The following DOT1L variants were observed in gnomAD, a reference collection of about 807,000 sequenced individuals.
DOT1L encodes histone-lysine N-methyltransferase, H3 lysine-79 specific.
Under a neutral mutation model 153.3 loss-of-function variants are expected in DOT1L, and 33 were observed. The observed-to-expected ratio is 0.22, with a 90% CI of 0.16 to 0.29. The LOEUF (loss-of-function observed/expected upper bound fraction) is 0.29. Ranked by LOEUF, DOT1L falls within the 10% of genes least tolerant of loss-of-function variation. The pLI, the probability that DOT1L is intolerant of heterozygous loss-of-function variation, is 1.00. For synonymous variants in DOT1L, 1,135 were observed against 965.1 expected (o/e 1.18, Z -3.26); for missense variants, 1,847 against 2,119.9 (o/e 0.87, Z 2.53).
intron 19 of DOT1L, 191 bp downstream of exon 19, chr19:2,214,787 C>T (rs2023838792): frequency 2.6e-6 from 2 of 758,492 alleles, no homozygotes; most frequent in African/African-American, 3.6e-5. Context: ...CTCTGCCTCA[C>T]TCTAGCCCTC....
In DOT1L at chr19:2,196,823, A is replaced by G. The variant is rs561465410; in HGVS notation, c.651+2246A>G. On this transcript the variant is annotated intron_variant, in intron 7 of 27. Transcript: ENST00000398665. ...CTGCCCTGGTCTTGGCGGTCAGCTG[A>G]GCCCCTGGCCGCGGAGCACGGTGTT... Among the ~76,000 whole-genome samples the G allele has an allele frequency of 4.6e-5, 7 of 152,176 alleles. No individual in the cohort carries two copies. In the East Asian group the frequency reaches 9.7e-4, roughly 21 times the overall value.
intron 9 of DOT1L, among the ~76,000 whole-genome samples, chr19:2,203,503 G>A (rs974630426): frequency 2.0e-5 from 3 of 152,228 alleles, no homozygotes; most frequent in East Asian, 1.9e-4. Flanking sequence ...GGAACTTGGT[G>A]TCCATACTGA....
chr19:2,222,818 G>T lies in DOT1L; in HGVS notation c.3390+259G>T. On this transcript the variant is annotated intron_variant, in intron 24 of 27. Transcript: ENST00000398665. The surrounding 1 kb of genome is among the most constrained non-coding windows in gnomAD (Gnocchi z 6.5). ...AGAATGATGTGAACCCGGGAGGCGG[G>T]GCTTGCAGTGAACTGAGATCGGCCA... The T allele has an allele frequency of 2.1e-6, 1 of 483,386 alleles. No homozygotes were observed. The allele number at this position is 483,386 out of a possible 1,614,324, so 29.9% of individuals were successfully genotyped here.
chr19:2,192,125 C>A (rs920807786), intron 5 of DOT1L, among the ~76,000 whole-genome samples: 1 of 152,156 alleles, frequency 6.6e-6, no homozygotes, highest in African/African-American at 2.4e-5. Flanking sequence ...TGCAGGCACG[C>A]GAGCCCCACG....
rs1187846251 is a variant in DOT1L, at chr19:2,227,962, C to T, written c.4606+835C>T. Reference sequence around the variant, plus strand: ...CCCCCGCCTGCGCACCTGGGCCGGTCCCCCGCGGGGCCGCCCGTCCTCCAC... The same window carrying T: ...CCCCCGCCTGCGCACCTGGGCCGGTTCCCCGCGGGGCCGCCCGTCCTCCAC... On this transcript the variant is annotated intron_variant, in intron 27 of 27. Coordinates refer to ENST00000398665, the MANE Select transcript of DOT1L (RefSeq NM_032482.3). 4.1e-6 allele frequency: 5 copies of T among 1,226,092 alleles called. No homozygotes were observed. In the Admixed American group the frequency reaches 1.3e-4, roughly 31 times the overall value. The allele number at this position is 1,226,092 out of a possible 1,614,324, so 76.0% of individuals were successfully genotyped here.
At chr19:2,168,562 A>G (rs2020013222) in intron 1 of DOT1L, among the ~76,000 whole-genome samples, 1 of 152,124 alleles carries the variant, frequency 6.6e-6, no homozygotes, top group South Asian at 2.1e-4. Flanking sequence ...GGAGATTTTT[A>G]TTCTTACATG....
rs530185237 is a variant in DOT1L at position 2,215,924 on chromosome 19, C to T, written c.1924-357C>T. The T allele has an allele frequency of 7.6e-4, 164 of 216,008 alleles. 1 individual carries two copies. Among genetic ancestry groups the T allele is most frequent in the African/African-American group, 3.3e-3 (145 of 43,852 alleles). 13.4% of individuals were successfully genotyped at this position (216,008 alleles called of 1,614,324 possible). The stretch of plus-strand genomic sequence containing the variant: ...AAAAGCCCCTCTCAGACTCAGCGCC[C>T]GGGGAAGCTGCCACGCTCGAGTGGC... On this transcript the variant is annotated intron_variant, in intron 19 of 27. Coordinates refer to ENST00000398665, the MANE Select transcript of DOT1L (RefSeq NM_032482.3).
At position 2,191,977 on chromosome 19, in the gene DOT1L, A is replaced by G. The variant is rs1036996072; in HGVS notation, c.493+737A>G. ...ACGAACAGCCTCAGTAGCCTGACGA[A>G]TTCTTGATAGGACCACCCCATCCAG... On this transcript the variant is annotated intron_variant, in intron 5 of 27. Coordinates refer to ENST00000398665, the MANE Select transcript of DOT1L (RefSeq NM_032482.3). The surrounding 1 kb of genome is among the most constrained non-coding windows in gnomAD (Gnocchi z 6.8). Among the ~76,000 whole-genome samples the G allele has an allele frequency of 2.0e-5, 3 of 152,172 alleles. No individual in the cohort carries two copies. The East Asian group carries it at 5.8e-4, about 29-fold the overall frequency.
In DOT1L at chr19:2,191,319, A is replaced by G. The variant is rs2022783995; in HGVS notation, c.493+79A>G. On this transcript the variant is annotated intron_variant, in intron 5 of 27. Transcript: ENST00000398665. This position sits in a 1 kb window ranked among gnomAD's most constrained non-coding sequence, Gnocchi z 6.8. ...GTGCCTGCCCCATGCCTGCTTGGAG[A>G]AGAGTTTATCAGGGACTTGCGACGT... 5.5e-6 allele frequency: 8 copies of G among 1,458,258 alleles called. No individual in the cohort carries two copies. The highest frequency in any genetic ancestry group is 6.7e-6 in the Non-Finnish European group (7 of 1,047,478). 90.3% of individuals were successfully genotyped at this position (1,458,258 alleles called of 1,614,324 possible). A position where few individuals can be genotyped will look rare whatever the true frequency, so the allele number is the denominator to read the frequency against.
At chr19:2,177,816 C>T (rs1449172042) in intron 1 of DOT1L, among the ~76,000 whole-genome samples, 1 of 151,942 alleles carries the variant, frequency 6.6e-6, no homozygotes, top group Non-Finnish European at 1.5e-5. Flanking sequence ...GATTGGAGTG[C>T]AGTGGTGCGA....
At chr19:2,181,950 C>T (rs906664057) in intron 2 of DOT1L, among the ~76,000 whole-genome samples, 2 of 152,124 alleles carry the variant, frequency 1.3e-5, no homozygotes, top group Non-Finnish European at 2.9e-5. Context: ...AAGCTGTGCA[C>T]GGTGGCTCAC....
At chr19:2,187,750 G>C (rs577071170) in intron 3 of DOT1L, among the ~76,000 whole-genome samples, 77 of 152,162 alleles carry the variant, frequency 5.1e-4, no homozygotes, top group South Asian at 6.2e-4. Flanking sequence ...GTGAAACCCC[G>C]TCTCTACTAA....
In DOT1L at chr19:2,190,809, G is replaced by A. The variant is rs1322691608; in HGVS notation, c.265-203G>A. Among the ~76,000 whole-genome samples, 2 of 151,996 alleles carry A rather than the reference G, an allele frequency of 1.3e-5. No individual in the cohort carries two copies. The highest frequency in any genetic ancestry group is 4.8e-5 in the African/African-American group (2 of 41,354). ...CTAGGACCCCTCTGAGTTGGGGCCT[G>A]TCCCTGGGGATGCTGCTTTACTGCT... On this transcript the variant is annotated intron_variant, in intron 4 of 27. Coordinates refer to ENST00000398665, the MANE Select transcript of DOT1L (RefSeq NM_032482.3). The surrounding 1 kb of genome is among the most constrained non-coding windows in gnomAD (Gnocchi z 4.8).
At chr19:2,224,093 C>T (rs1033237600) in intron 25 of DOT1L, among the ~76,000 whole-genome samples, 3 of 152,204 alleles carry the variant, frequency 2.0e-5, no homozygotes, top group Non-Finnish European at 4.4e-5. Flanking sequence ...TTGTGTCTGG[C>T]ATCTCTCACT....
intron 9 of DOT1L, among the ~76,000 whole-genome samples, chr19:2,205,032 G>A (rs1045732228): frequency 1.3e-5 from 2 of 151,816 alleles, no homozygotes; most frequent in Non-Finnish European, 2.9e-5. Flanking sequence ...GTGCAGTGGC[G>A]CAGTTTCTGG....
rs913607922 is a variant in DOT1L at position 2,216,203 on chromosome 19, G to T, written c.1924-78G>T. 4.0e-6 allele frequency: 6 copies of T among 1,496,766 alleles called. No homozygotes were observed. The African/African-American group carries it at 7.0e-5, about 17-fold the overall frequency. The allele number at this position is 1,496,766 out of a possible 1,614,324, so 92.7% of individuals were successfully genotyped here. A position where few individuals can be genotyped will look rare whatever the true frequency, so the allele number is the denominator to read the frequency against. ...GCGGGGGTCCTGGCCACCCCTCCGG[G>T]TGTCCATCTGTGGCAGTCTTGGTTC... On this transcript the variant is annotated intron_variant, in intron 19 of 27. Transcript: ENST00000398665.
At position 2,226,336 on chromosome 19, in the gene DOT1L, T is replaced by C. The variant is rs2024327892; in HGVS notation, c.3815T>C (p.Leu1272Pro). 6.3e-7 allele frequency: 1 copy of C among 1,596,246 alleles called. No homozygotes were observed. Among genetic ancestry groups the C allele is most frequent in the South Asian group, 1.1e-5 (1 of 88,780 alleles). ...QASSALSQNS[L>P]FTFRPALEEP... is the part of the protein sequence containing the mutation. ...AGCTCCGCCCTCAGCCAGAACTCCC[T>C]GTTCACGTTCCGGCCCGCCCTGGAG... The change falls in exon 27 of 28, where the codon CTG (leucine) becomes CCG (proline). Residue 1272 changes from leucine to proline, a missense_variant. Physicochemically the swap from Leu to Pro is moderately conservative, Grantham distance 98. Transcript: ENST00000398665.
Position 2,172,141 on chromosome 19 carries a change from A to G in DOT1L, c.81+7876A>G, listed in dbSNP as rs186581270. Among the ~76,000 whole-genome samples, 7 of 151,750 alleles carry G rather than the reference A, an allele frequency of 4.6e-5. No homozygotes were observed. In the East Asian group the frequency reaches 9.7e-4, roughly 21 times the overall value. On this transcript the variant is annotated intron_variant, in intron 1 of 27. Transcript: ENST00000398665. ...CTGGGCCTGTGGAGTTCTGCACAGC[A>G]TGCAGCTCCCACTCCTCGGACGCAC...
rs1401257522 is a variant in DOT1L, at chr19:2,217,692, G to A, written c.2545-80G>A. 3 of 1,521,614 alleles carry A rather than the reference G, an allele frequency of 2.0e-6. No homozygotes were observed. The African/African-American group carries it at 4.1e-5, about 21-fold the overall frequency. 94.3% of individuals were successfully genotyped at this position (1,521,614 alleles called of 1,614,324 possible). On this transcript the variant is annotated intron_variant, in intron 21 of 27. Coordinates refer to ENST00000398665, the MANE Select transcript of DOT1L (RefSeq NM_032482.3). The surrounding 1 kb of genome is among the most constrained non-coding windows in gnomAD (Gnocchi z 7.3). Reference sequence around the variant, plus strand: ...GGCCGCCTTGAGAGAGCTGTAGCAGGCCCCCGTCCTGTGGCTGTGGTCCCT... The same window carrying A: ...GGCCGCCTTGAGAGAGCTGTAGCAGACCCCCGTCCTGTGGCTGTGGTCCCT...
Sources: gnomAD v4.1 joint callset for allele counts (sites outside exome capture counted in the v4.1 genomes callset) on GRCh38, gnomAD v4.1.1 for gene constraint, Gnocchi (gnomAD v3.1) non-coding constraint, MANE v1.5 for transcripts, NCBI Gene and HGNC (gene_info 2026-07-23, HGNC 2026-07-21) for gene names.